Variants in UBE2R2 observed in about 807,000 individuals in gnomAD.
UBE2R2 encodes the protein ubiquitin conjugating enzyme E2 R2, also known as ubiquitin-conjugating enzyme E2 R2.
In UBE2R2, 1 loss-of-function variant was observed where a neutral mutation model predicts 27.8. That is an observed-to-expected ratio of 0.04 (90% confidence interval 0.01 to 0.17). UBE2R2 has a LOEUF of 0.17. Among genes scored for constraint, UBE2R2 ranks in the 10% least tolerant of loss-of-function variants. The pLI is 1.00. For missense variants in UBE2R2, 100 were observed against 291.0 expected (o/e 0.34, Z 4.78); for synonymous variants, 106 against 113.3 (o/e 0.94, Z 0.41).
intron 1 of UBE2R2, among the ~76,000 whole-genome samples, chr9:33,833,293 C>T (rs551710453): frequency 6.6e-5 from 10 of 152,134 alleles, no homozygotes; most frequent in Non-Finnish European, 1.5e-4. Flanking sequence ...TCTTGATCTC[C>T]TGACCTCGTG....
rs369366064 is a variant in UBE2R2, at chr9:33,857,639, G to T, written c.178-29242G>T. 2.0e-5 allele frequency among the ~76,000 whole-genome samples: 3 copies of T among 152,280 alleles called. No homozygotes were observed. In the East Asian group the frequency reaches 5.8e-4, roughly 29 times the overall value. On this transcript the variant is annotated intron_variant, in intron 1 of 4. Transcript: ENST00000263228. Reference sequence around the variant, plus strand: ...GTGTTGACTTTTAAATTTTAAATTAGAAAGTGTTACTATGATAAACTATAC... The same window carrying T: ...GTGTTGACTTTTAAATTTTAAATTATAAAGTGTTACTATGATAAACTATAC...
intron 1 of UBE2R2, among the ~76,000 whole-genome samples, chr9:33,876,520 G>A (rs921162586): frequency 1.3e-5 from 2 of 152,112 alleles, no homozygotes; most frequent in Admixed American, 6.6e-5. Context: ...TCCGCTGAAG[G>A]AGTTCTTAGT....
rs1454763895 is a variant in UBE2R2, at chr9:33,817,648, C to T, written c.-110C>T. ...CCGCCGGGTGTGTGAAGACCGGGGC[C>T]CGGTGCTGCCCGGCCGGAGGGCGAG... On this transcript the variant is annotated 5_prime_UTR_variant, in exon 1 of 5. Coordinates refer to ENST00000263228, the MANE Select transcript of UBE2R2 (RefSeq NM_017811.4). 5.3e-6 allele frequency: 6 copies of T among 1,130,776 alleles called. No individual in the cohort carries two copies. In the East Asian group the frequency reaches 2.1e-4, roughly 39 times the overall value. The allele number at this position is 1,130,776 out of a possible 1,614,324, so 70.0% of individuals were successfully genotyped here. A position where few individuals can be genotyped will look rare whatever the true frequency, so the allele number is the denominator to read the frequency against.
At chr9:33,837,540 C>A (rs980633883) in intron 1 of UBE2R2, among the ~76,000 whole-genome samples, 14 of 152,052 alleles carry the variant, frequency 9.2e-5, no homozygotes, top group African/African-American at 3.4e-4. Context: ...ATTCTCCCAC[C>A]TCAGCCTCCT....
At chr9:33,844,396 T>G (rs1350759156) in intron 1 of UBE2R2, among the ~76,000 whole-genome samples, 1 of 151,942 alleles carries the variant, frequency 6.6e-6, no homozygotes, top group Non-Finnish European at 1.5e-5. Context: ...TAGAGACAGG[T>G]CTTCACCATG....
At chr9:33,887,101 A>C in intron 2 of UBE2R2, 134 bp downstream of exon 2, 1 of 695,878 alleles carries the variant, frequency 1.4e-6, no homozygotes, top group East Asian at 2.9e-5. Flanking sequence ...TTTGCACTTC[A>C]GTTAACAGTT....
intron 1 of UBE2R2, among the ~76,000 whole-genome samples, chr9:33,833,923 A>G (rs1237545565): frequency 2.0e-5 from 3 of 152,066 alleles, no homozygotes; most frequent in Admixed American, 2.0e-4. Context: ...GTTTTATTTC[A>G]CTTAGTATAA....
chr9:33,827,481 A>G (rs1314044438), intron 1 of UBE2R2, among the ~76,000 whole-genome samples: 2 of 152,062 alleles, frequency 1.3e-5, no homozygotes, highest in African/African-American at 2.4e-5. Context: ...TCTCAACTAA[A>G]AATACAAAAA....
intron 1 of UBE2R2, among the ~76,000 whole-genome samples, chr9:33,837,686 T>C (rs1820645299): frequency 6.6e-6 from 1 of 151,938 alleles, no homozygotes. Context: ...TAGCCTCTCA[T>C]TGTGCTAGGA....
At chr9:33,817,002 A>G (rs1825784885), upstream of UBE2R2, among the ~76,000 whole-genome samples, 1 of 150,108 alleles carries the variant, frequency 6.7e-6, no homozygotes, top group African/African-American at 2.4e-5. Context: ...GAGGCGTGGA[A>G]ACGGGAGGAG....
chr9:33,829,317 A>G (rs1312355503), intron 1 of UBE2R2, among the ~76,000 whole-genome samples: 1 of 152,134 alleles, frequency 6.6e-6, no homozygotes, highest in East Asian at 1.9e-4. Flanking sequence ...GGAGGGTGGG[A>G]ATGGTGCCAA....
At position 33,877,661 on chromosome 9, in the gene UBE2R2, A is replaced by G. The variant is rs1218128645; in HGVS notation, c.178-9220A>G. Among the ~76,000 whole-genome samples, 3 of 152,240 alleles carry G rather than the reference A, an allele frequency of 2.0e-5. No homozygotes were observed. The East Asian group carries it at 5.8e-4, about 29-fold the overall frequency. ...AAGAAAACTAATTCCATAATCATCA[A>G]GGTCTTAAGGTTGGTATTAATCTTT... On this transcript the variant is annotated intron_variant, in intron 1 of 4. Coordinates refer to ENST00000263228, the MANE Select transcript of UBE2R2 (RefSeq NM_017811.4).
intron 2 of UBE2R2, among the ~76,000 whole-genome samples, chr9:33,897,775 C>CT (rs35277355): frequency 0.24 from 30,474 of 127,940 alleles, 4,271 homozygotes; most frequent in South Asian, 0.32. Flanking sequence ...TTTCTTTTTT[C>CT]TTTTTTTTTT....
At chr9:33,815,901 T>A (rs746255159), upstream of UBE2R2, among the ~76,000 whole-genome samples, 68 of 152,122 alleles carry the variant, frequency 4.5e-4, 1 homozygote, top group Non-Finnish European at 1.3e-4. Context: ...GTATAATTAA[T>A]CCCCTTTTAC....
intron 1 of UBE2R2, among the ~76,000 whole-genome samples, chr9:33,824,528 A>G (rs1037232519): frequency 1.3e-5 from 2 of 152,034 alleles, no homozygotes; most frequent in African/African-American, 4.8e-5. Flanking sequence ...AGTCCCAGCT[A>G]CTTGGGAGGC....
chr9:33,820,141 GA>G (rs1324557251), intron 1 of UBE2R2, among the ~76,000 whole-genome samples: 1 of 152,180 alleles, frequency 6.6e-6, no homozygotes, highest in Non-Finnish European at 1.5e-5. Context: ...GTACATGAGA[GA>G]AAATAATGGG....
rs190475632 is a variant in UBE2R2 at position 33,886,829 on chromosome 9, G to A, written c.178-52G>A. 180 of 1,440,380 alleles carry A rather than the reference G, an allele frequency of 1.2e-4. 1 individual carries two copies. In the East Asian group the frequency reaches 3.6e-3, roughly 29 times the overall value. The allele number at this position is 1,440,380 out of a possible 1,614,324, so 89.2% of individuals were successfully genotyped here. A position where few individuals can be genotyped will look rare whatever the true frequency, so the allele number is the denominator to read the frequency against. On this transcript the variant is annotated intron_variant, in intron 1 of 4. Transcript: ENST00000263228. ...GTGTAGTAGGGTGAATTATTAGGCAGATGAATAAGTTATAGTCTCATTTAT... is the reference window on the plus strand; with the variant it reads ...GTGTAGTAGGGTGAATTATTAGGCAAATGAATAAGTTATAGTCTCATTTAT...
chr9:33,833,208 A>T (rs2130729093), intron 1 of UBE2R2, among the ~76,000 whole-genome samples: 1 of 152,146 alleles, frequency 6.6e-6, no homozygotes, highest in Non-Finnish European at 1.5e-5. Context: ...GGGATTACAA[A>T]CACATGCCAC....
At chr9:33,824,481 A>G (rs907818482) in intron 1 of UBE2R2, among the ~76,000 whole-genome samples, 1 of 152,140 alleles carries the variant, frequency 6.6e-6, no homozygotes, top group Non-Finnish European at 1.5e-5. Context: ...CTAAAAAAAT[A>G]CAAAAAAATT....
Sources: gnomAD v4.1 joint callset for allele counts (sites outside exome capture counted in the v4.1 genomes callset) on GRCh38, gnomAD v4.1.1 for gene constraint, MANE v1.5 for transcripts, NCBI Gene and HGNC (gene_info 2026-07-23, HGNC 2026-07-21) for gene names.